ISM1: variants seen among roughly 807,000 people sequenced by gnomAD.
ISM1 encodes isthmin 1.
A neutral mutation model predicts 46.3 loss-of-function variants in ISM1; 25 were observed. That is an observed-to-expected ratio of 0.54 (90% CI 0.39 to 0.75). ISM1 has a LOEUF of 0.75. Among genes scored for constraint, ISM1 ranks in the 30% least tolerant of loss-of-function variants. The probability of loss-of-function intolerance (pLI) is 0.00; values close to 1 mark genes in which losing one functional copy is unlikely to be tolerated. For synonymous variants in ISM1, 255 were observed against 256.7 expected (o/e 0.99, Z 0.06); for missense variants, 536 against 625.4 (o/e 0.86, Z 1.52).
chr20:13,306,082 A>G, the ISM1 span, among the ~76,000 whole-genome samples: 17 of 152,162 alleles, frequency 1.1e-4, no homozygotes, highest in East Asian at 3.1e-3. Context: ...TCAAAATGAA[A>G]AAAACCTTTT....
intron 1 of ISM1, among the ~76,000 whole-genome samples, chr20:13,226,613 T>C (rs941809952): frequency 1.3e-5 from 2 of 152,238 alleles, no homozygotes; most frequent in African/African-American, 4.8e-5. Context: ...ATCTGTTGGC[T>C]TCATGTGGGC....
downstream of ISM1, among the ~76,000 whole-genome samples, chr20:13,302,900 C>T (rs590857): frequency 0.34 from 51,739 of 151,944 alleles, 9,900 homozygotes; most frequent in Admixed American, 0.42. Context: ...TTCATGTAAC[C>T]GCCATGATTA....
chr20:13,325,896 C>A, the ISM1 span, among the ~76,000 whole-genome samples: 1 of 152,134 alleles, frequency 6.6e-6, no homozygotes, highest in Admixed American at 6.6e-5. Context: ...ATATAGAACA[C>A]CAATACACAC....
At chr20:13,234,475 T>A (rs1193813774) in intron 1 of ISM1, among the ~76,000 whole-genome samples, 1 of 152,018 alleles carries the variant, frequency 6.6e-6, no homozygotes, top group Non-Finnish European at 1.5e-5. Context: ...TACTCAGGAG[T>A]GGGATTGCTG....
chr20:13,221,363 G>A lies in ISM1; in HGVS notation c.-414G>A, dbSNP rs1417276146. ...TCTGGGGCGCCCATGTGCGCTCGGGGGCTCGGCTGCGCCCGCCCCGCCGCC... is the reference window on the plus strand; with the variant it reads ...TCTGGGGCGCCCATGTGCGCTCGGGAGCTCGGCTGCGCCCGCCCCGCCGCC... On this transcript the variant is annotated 5_prime_UTR_variant, in exon 1 of 6. Coordinates refer to ENST00000262487, the MANE Select transcript of ISM1 (RefSeq NM_080826.2). 2.0e-5 allele frequency among the ~76,000 whole-genome samples: 3 copies of A among 148,108 alleles called. No homozygotes were observed. The highest frequency in any genetic ancestry group is 3.0e-5 in the Non-Finnish European group (2 of 66,074).
downstream of ISM1, among the ~76,000 whole-genome samples, chr20:13,304,209 G>A (rs1167422321): frequency 6.6e-6 from 1 of 152,160 alleles, no homozygotes; most frequent in Non-Finnish European, 1.5e-5. Context: ...CTTCTGCAAG[G>A]GAGACTGGGA....
At chr20:13,236,957 A>C (rs1434647680) in intron 1 of ISM1, among the ~76,000 whole-genome samples, 1 of 152,168 alleles carries the variant, frequency 6.6e-6, no homozygotes, top group Non-Finnish European at 1.5e-5. Flanking sequence ...ACATGGTGCA[A>C]GCTGTCGGTA....
chr20:13,270,374 T>G lies in ISM1; in HGVS notation c.139-130T>G, dbSNP rs967389543. 13 of 1,026,850 alleles carry G rather than the reference T, an allele frequency of 1.3e-5. No individual in the cohort carries two copies. In the African/African-American group the frequency reaches 2.1e-4, roughly 17 times the overall value. The allele number at this position is 1,026,850 out of a possible 1,614,324, so 63.6% of individuals were successfully genotyped here. Reference sequence around the variant, plus strand: ...TAAACCATGGGTTTGCAAAACAAGTTTGGAATGCCCTACTGGCTTAATTTC... The same window carrying G: ...TAAACCATGGGTTTGCAAAACAAGTGTGGAATGCCCTACTGGCTTAATTTC... On this transcript the variant is annotated intron_variant, in intron 1 of 5. Transcript: ENST00000262487.
At chr20:13,270,463 T>C in intron 1 of ISM1, 41 bp from the exon 2 acceptor site, 2 of 1,572,048 alleles carry the variant, frequency 1.3e-6, no homozygotes, top group South Asian at 1.2e-5. Context: ...TTTTTAATCA[T>C]GTGTCTCCTT....
rs555702790 is a variant in ISM1, at chr20:13,277,775, G to A, written c.379-1859G>A. ...CTAGTAGTGCCCTTCTAGGTGTCCC[G>A]TGACAGAGGAGAAGGGTGCACTTGG... On this transcript the variant is annotated intron_variant, in intron 2 of 5. Coordinates refer to ENST00000262487, the MANE Select transcript of ISM1 (RefSeq NM_080826.2). Among the ~76,000 whole-genome samples the A allele has an allele frequency of 4.6e-5, 7 of 152,178 alleles. No homozygotes were observed. In the East Asian group the frequency reaches 7.7e-4, roughly 17 times the overall value.
At chr20:13,311,993 A>G in the ISM1 span, among the ~76,000 whole-genome samples, 1 of 152,240 alleles carries the variant, frequency 6.6e-6, no homozygotes, top group Non-Finnish European at 1.5e-5. Context: ...TTTTCCCACA[A>G]TGTATACACA....
the ISM1 span, among the ~76,000 whole-genome samples, chr20:13,308,358 T>C: frequency 1.3e-5 from 2 of 152,184 alleles, no homozygotes; most frequent in African/African-American, 4.8e-5. Context: ...AGCCAGAATT[T>C]ATACATTATT....
intron 5 of ISM1, among the ~76,000 whole-genome samples, chr20:13,297,196 A>T (rs2040415291): frequency 6.6e-6 from 1 of 152,158 alleles, no homozygotes; most frequent in Non-Finnish European, 1.5e-5. Flanking sequence ...CTTTGCAATA[A>T]GCTGTTTTCC....
rs144118604 is a variant in ISM1 at position 13,229,624 on chromosome 20, T to C, written c.138+7710T>C. 8.5e-5 allele frequency among the ~76,000 whole-genome samples: 13 copies of C among 152,360 alleles called. No homozygotes were observed. The East Asian group carries it at 2.5e-3, about 29-fold the overall frequency. On this transcript the variant is annotated intron_variant, in intron 1 of 5. Transcript: ENST00000262487. ...CATATTATGAGTAAGACCATGTTAG[T>C]ATTCTTACACAAGCCTTTCTGTGGA...
At chr20:13,241,671 G>A (rs769422673) in intron 1 of ISM1, among the ~76,000 whole-genome samples, 14 of 152,168 alleles carry the variant, frequency 9.2e-5, no homozygotes. Context: ...CGTTTGAGGA[G>A]AGAAGATATA....
In ISM1 at chr20:13,299,392, A is replaced by G; in HGVS notation, c.1328A>G (p.Gln443Arg). 1 of 1,613,230 alleles carries G rather than the reference A, an allele frequency of 6.2e-7. No homozygotes were observed. The highest frequency in any genetic ancestry group is 8.5e-7 in the Non-Finnish European group (1 of 1,179,876). The part of the protein sequence containing the change: ...YNEARPPNNG[Q>R]KCTESPSDED... ...GAGGCCCGGCCTCCCAACAACGGACAGAAGTGCACAGAGAGCCCCTCGGAC... is the reference window on the plus strand; with the variant it reads ...GAGGCCCGGCCTCCCAACAACGGACGGAAGTGCACAGAGAGCCCCTCGGAC... The change falls in exon 6 of 6, where the codon CAG becomes CGG. Residue 443 changes from glutamine (Q) to arginine (R), a missense_variant. By Grantham distance (43) the Gln-to-Arg change is conservative. Coordinates refer to ENST00000262487, the MANE Select transcript of ISM1 (RefSeq NM_080826.2). The surrounding 1 kb of genome is among the most constrained non-coding windows in gnomAD (Gnocchi z 5.8).
In ISM1 at chr20:13,263,203, T is replaced by G. The variant is rs186947701; in HGVS notation, c.139-7301T>G. ...TTCCTGCTGCCTGAAGGGGAATGAT[T>G]GCCATCATACACAGGCTTCATGAGA... On this transcript the variant is annotated intron_variant, in intron 1 of 5. Coordinates refer to ENST00000262487, the MANE Select transcript of ISM1 (RefSeq NM_080826.2). 5.4e-4 allele frequency among the ~76,000 whole-genome samples: 82 copies of G among 152,306 alleles called. 1 individual carries two copies. The East Asian group carries it at 0.014, about 26-fold the overall frequency.
chr20:13,237,891 A>G (rs145035009), intron 1 of ISM1: 2 of 152,248 alleles, frequency 1.3e-5, no homozygotes, highest in Non-Finnish European at 2.9e-5. Context: ...TTTCAGTATT[A>G]TGGGGGTGCT....
intron 5 of ISM1, among the ~76,000 whole-genome samples, chr20:13,298,275 T>A (rs145893283): frequency 6.6e-6 from 1 of 152,062 alleles, no homozygotes; most frequent in East Asian, 1.9e-4. Flanking sequence ...CTGGCTAATA[T>A]TGTGTATTTT....
Sources: allele counts gnomAD v4.1 joint callset (sites outside exome capture counted in the v4.1 genomes callset), GRCh38; gene constraint gnomAD v4.1.1; non-coding constraint Gnocchi (gnomAD v3.1); transcripts MANE v1.5; gene names NCBI Gene and HGNC (gene_info 2026-07-23, HGNC 2026-07-21).